MAP3K14: variants seen among roughly 807,000 people sequenced by gnomAD.
The protein encoded by MAP3K14 is mitogen-activated protein kinase kinase kinase 14.
In MAP3K14, 16 loss-of-function variants were observed where a neutral mutation model predicts 99.2. The ratio of observed to expected loss-of-function variants is 0.16; its 90% CI spans 0.11 to 0.24. MAP3K14 has a LOEUF of 0.24. Among genes scored for constraint, MAP3K14 ranks in the 10% least tolerant of loss-of-function variants. The probability of loss-of-function intolerance (pLI) is 1.00; values close to 1 mark genes in which losing one functional copy is unlikely to be tolerated. For synonymous variants in MAP3K14, 462 were observed against 492.4 expected (o/e 0.94, Z 0.82); for missense variants, 784 against 1,208.7 (o/e 0.65, Z 5.21).
At chr17:45,285,624 T>C (rs2044257992) in intron 5 of MAP3K14, among the ~76,000 whole-genome samples, 1 of 151,518 alleles carries the variant, frequency 6.6e-6, no homozygotes, top group African/African-American at 2.4e-5. Context: ...AGACTCTGTC[T>C]CAAAACAAAA....
intron 1 of MAP3K14, among the ~76,000 whole-genome samples, chr17:45,316,749 C>G (rs567850162): frequency 2.0e-5 from 3 of 151,688 alleles, no homozygotes; most frequent in Admixed American, 1.3e-4. Flanking sequence ...CCGGGGCGAG[C>G]GCGGCACCGG....
intron 3 of MAP3K14, among the ~76,000 whole-genome samples, chr17:45,288,871 G>T (rs1425390230): frequency 2.6e-5 from 4 of 151,506 alleles, no homozygotes; most frequent in Non-Finnish European, 5.9e-5. Flanking sequence ...ACAGTGGAAG[G>T]CCCCCCCCAC....
chr17:45,287,958 T>G (rs562268118), intron 3 of MAP3K14, among the ~76,000 whole-genome samples: 123 of 152,326 alleles, frequency 8.1e-4, no homozygotes, highest in Non-Finnish European at 1.3e-3. Flanking sequence ...CCTTCTCTGC[T>G]GGCCTCGGGG....
intron 1 of MAP3K14, among the ~76,000 whole-genome samples, chr17:45,296,522 TAAAG>T (rs761559971): frequency 1.4e-3 from 199 of 145,698 alleles, no homozygotes; most frequent in Middle Eastern, 3.4e-3. Context: ...AAAGGAAAAA[TAAAG>T]AAAGAAAGAA....
chr17:45,283,031 G>A (rs1260036995), intron 6 of MAP3K14, among the ~76,000 whole-genome samples: 1 of 152,216 alleles, frequency 6.6e-6, no homozygotes, highest in Non-Finnish European at 1.5e-5. Flanking sequence ...CTTGTGCTTG[G>A]AGCTTTTCCA....
rs2044266084 is a variant in MAP3K14, at chr17:45,286,524, C to T, written c.1059G>A (p.Leu353=). The T allele has an allele frequency of 5.6e-6, 9 of 1,608,734 alleles. No individual in the cohort carries two copies. Among genetic ancestry groups the T allele is most frequent in the African/African-American group, 2.7e-5 (2 of 74,952 alleles). ...GSVSSGQAHS[L]TSLAKTWAAR... is the part of the protein sequence containing the mutation. ...CTGCCCAGGTCTTGGCCAGGCTGGT[C>T]AGGCTGTGGGCCTGGCCTGAGCTCA... The change falls in exon 5 of 16, where the codon CTG becomes CTA. Residue 353 remains leucine, a synonymous_variant. Transcript: ENST00000344686. The surrounding 1 kb of genome is among the most constrained non-coding windows in gnomAD (Gnocchi z 4.1).
chr17:45,271,351 T>C (rs1172431491), intron 9 of MAP3K14, 130 bp from the exon 10 acceptor site: 33 of 780,658 alleles, frequency 4.2e-5, no homozygotes, highest in South Asian at 2.2e-4. Context: ...TTTTATTATC[T>C]TTTTAGTTCT....
intron 3 of MAP3K14, 147 bp downstream of exon 3, chr17:45,289,089 G>C (rs1242975116): frequency 3.2e-6 from 2 of 632,370 alleles, no homozygotes; most frequent in Non-Finnish European, 5.6e-6. Context: ...GGCTCAGCCA[G>C]GAAAGCCTGG....
At chr17:45,285,826 C>G (rs1170695719) in intron 5 of MAP3K14, among the ~76,000 whole-genome samples, 4 of 151,694 alleles carry the variant, frequency 2.6e-5, no homozygotes, top group African/African-American at 9.7e-5. Flanking sequence ...GTGGTACACG[C>G]TTGTAGTCCC....
At chr17:45,277,318 A>C (rs1453147198) in intron 6 of MAP3K14, among the ~76,000 whole-genome samples, 1 of 151,886 alleles carries the variant, frequency 6.6e-6, no homozygotes, top group Non-Finnish European at 1.5e-5. Context: ...CGCTTAGTAG[A>C]CTTGTCCTCC....
rs543867493 is a variant in MAP3K14 at position 45,275,952 on chromosome 17, G to A, written c.1291-1359C>T. Among the ~76,000 whole-genome samples, 8 of 151,956 alleles carry A rather than the reference G, an allele frequency of 5.3e-5. No homozygotes were observed. In the East Asian group the frequency reaches 1.4e-3, roughly 26 times the overall value. The stretch of plus-strand genomic sequence containing the variant: ...AATTTTTGTATTTTTTAGTAGAGAC[G>A]GGGTTTCACCATGCTGGCCAGGCTG... On this transcript the variant is annotated intron_variant, in intron 6 of 15. Coordinates refer to ENST00000344686, the MANE Select transcript of MAP3K14 (RefSeq NM_003954.5).
intron 14 of MAP3K14, 24 bp downstream of exon 14, chr17:45,266,513 G>C: frequency 6.3e-7 from 1 of 1,590,266 alleles, no homozygotes; most frequent in Non-Finnish European, 8.6e-7. Flanking sequence ...GGGGACTGCT[G>C]AGCAGGTGGG....
At chr17:45,282,087 T>G (rs2044227778) in intron 6 of MAP3K14, 1 of 152,156 alleles carries the variant, frequency 6.6e-6, no homozygotes, top group South Asian at 2.1e-4. Flanking sequence ...ACTTTTGAAA[T>G]TTCTTTTTTA....
chr17:45,267,730 C>G lies in MAP3K14; in HGVS notation c.2002G>C (p.Glu668Gln), dbSNP rs2044105686. 1 of 1,612,816 alleles carries G rather than the reference C, an allele frequency of 6.2e-7. No individual in the cohort carries two copies. Among genetic ancestry groups the G allele is most frequent in the East Asian group, 2.2e-5 (1 of 44,882 alleles). ...VGGLKSPWRGEYKEPRHPPPN... is the reference protein window; with the variant it reads ...VGGLKSPWRGQYKEPRHPPPN... ...GGTGGATGTCTTGGTTCTTTATATT[C>G]TCCCCTCCAAGGGCTCTTCAGACCT... Residue 668 changes from glutamate to glutamine, a missense_variant, in exon 12 of 16, where the codon GAA (glutamate) becomes CAA (glutamine). By Grantham distance (29) the Glu-to-Gln change is conservative. Coordinates refer to ENST00000344686, the MANE Select transcript of MAP3K14 (RefSeq NM_003954.5). The surrounding 1 kb of genome is among the most constrained non-coding windows in gnomAD (Gnocchi z 5.1).
At position 45,284,912 on chromosome 17, in the gene MAP3K14, ACTT is replaced by A; in HGVS notation, c.1187_1189del (p.Glu396del). ...GCGGAGCTGGTGCGTGGCCCAGTGG[ACTT>A]CTTCTCGGTACTCATAATCCACTGG... On this transcript the variant is annotated inframe_deletion, in exon 6 of 16. Transcript: ENST00000344686. 1.3e-6 allele frequency: 2 copies of A among 1,554,830 alleles called. No individual in the cohort carries two copies. The highest frequency in any genetic ancestry group is 1.7e-6 in the Non-Finnish European group (2 of 1,148,920).
Position 45,266,625 on chromosome 17 carries a change from G to A in MAP3K14, c.2490C>T (p.Ser830=). 1.2e-6 allele frequency: 2 copies of A among 1,613,796 alleles called. No homozygotes were observed. The highest frequency in any genetic ancestry group is 1.1e-5 in the South Asian group (1 of 91,080). The stretch of plus-strand genomic sequence containing the variant: ...TTCGAGCCTCGGCCTGGCTGCTCCA[G>A]GAGTGTACGCCTGAGCTCAGGGTGT... ...SRDTLSSGVH[S]WSSQAEARSS... Residue 830 remains serine (S), a synonymous_variant, in exon 14 of 16, where the codon TCC becomes TCT. Transcript: ENST00000344686.
At chr17:45,314,336 C>T (rs550104410) in intron 1 of MAP3K14, among the ~76,000 whole-genome samples, 3 of 152,302 alleles carry the variant, frequency 2.0e-5, no homozygotes, top group African/African-American at 7.2e-5. Context: ...GCCCACCCAG[C>T]TCTTGCAGAT....
At chr17:45,298,904 A>G (rs1462410321) in intron 1 of MAP3K14, among the ~76,000 whole-genome samples, 1 of 152,212 alleles carries the variant, frequency 6.6e-6, no homozygotes, top group Non-Finnish European at 1.5e-5. Context: ...ACACAGAGCG[A>G]CACCTAGTCC....
Position 45,286,974 on chromosome 17 carries a change from T to C in MAP3K14, c.609A>G (p.Pro203=), listed in dbSNP as rs757918009. 8 of 1,613,926 alleles carry C rather than the reference T, an allele frequency of 5.0e-6. No homozygotes were observed. The Admixed American group carries it at 6.7e-5, about 13-fold the overall frequency. Residue 203 remains proline, a synonymous_variant, in exon 5 of 16, where the codon CCA becomes CCG. Coordinates refer to ENST00000344686, the MANE Select transcript of MAP3K14 (RefSeq NM_003954.5). This position sits in a 1 kb window ranked among gnomAD's most constrained non-coding sequence, Gnocchi z 4.1. ...GCTTAAAACAGAGTTGCCCAAGGCCTGGTTCCTTCAGAGGCTTGGTGAACT... is the reference window on the plus strand; with the variant it reads ...GCTTAAAACAGAGTTGCCCAAGGCCCGGTTCCTTCAGAGGCTTGGTGAACT... ...TPQFTKPLKE[P]GLGQLCFKQL... is the part of the protein sequence containing the mutation.
Sources: allele counts gnomAD v4.1 joint callset (sites outside exome capture counted in the v4.1 genomes callset), GRCh38; gene constraint gnomAD v4.1.1; non-coding constraint Gnocchi (gnomAD v3.1); transcripts MANE v1.5; gene names NCBI Gene and HGNC (gene_info 2026-07-23, HGNC 2026-07-21).